Variants in FBXL4 observed in about 807,000 individuals in gnomAD.
The protein encoded by FBXL4 is F-box and leucine rich repeat protein 4.
A neutral mutation model predicts 58.9 loss-of-function variants in FBXL4; 40 were observed. That is an observed-to-expected ratio of 0.68 (90% CI 0.53 to 0.88). The LOEUF (loss-of-function observed/expected upper bound fraction) is 0.88. Ranked by LOEUF, FBXL4 falls within the 40% of genes least tolerant of loss-of-function variation. The pLI is 0.00. For missense variants in FBXL4, 676 were observed against 734.4 expected, an observed-to-expected ratio of 0.92 and a Z score of 0.92; for synonymous variants, 263 against 265.5, an observed-to-expected ratio of 0.99 and a Z score of 0.09.
At chr6:98,878,824 GCTGGTTTGTTGTGACAGAAACTGCC>G (rs1770747245) in intron 8 of FBXL4, among the ~76,000 whole-genome samples, 1 of 152,066 alleles carries the variant, frequency 6.6e-6, no homozygotes. Context: ...GCAGTAACTG[GCTGGTTTGTTGTGACAGAAACTGCC>G]ATCAAATGTC....
chr6:98,874,480 TTAAGTA>T (rs1770584265), intron 9 of FBXL4, 39 bp from the exon 10 acceptor site: 3 of 1,543,620 alleles, frequency 1.9e-6, no homozygotes, highest in Non-Finnish European at 2.6e-6. Context: ...ACAAAACACC[TTAAGTA>T]TAACATTTAT....
chr6:98,883,906 A>C (rs1484923759), intron 7 of FBXL4, among the ~76,000 whole-genome samples: 1 of 151,618 alleles, frequency 6.6e-6, no homozygotes, highest in Non-Finnish European at 1.5e-5. Context: ...GAATCACCTT[A>C]AAGGTTTTAG....
At chr6:98,914,449 A>G (rs901536383) in intron 5 of FBXL4, among the ~76,000 whole-genome samples, 7 of 152,234 alleles carry the variant, frequency 4.6e-5, no homozygotes, top group African/African-American at 9.6e-5. Flanking sequence ...ATCCAGCAGC[A>G]CATCAAAAAG....
At chr6:98,933,688 G>A (rs936555116) in intron 2 of FBXL4, among the ~76,000 whole-genome samples, 1 of 152,088 alleles carries the variant, frequency 6.6e-6, no homozygotes, top group African/African-American at 2.4e-5. Flanking sequence ...CCCCAAGTTC[G>A]GAGAACATGC....
At chr6:98,894,838 A>G (rs1173859688) in intron 7 of FBXL4, among the ~76,000 whole-genome samples, 1 of 152,188 alleles carries the variant, frequency 6.6e-6, no homozygotes, top group Non-Finnish European at 1.5e-5. Context: ...AAACACATCT[A>G]AAGAAAGAAA....
intron 8 of FBXL4, among the ~76,000 whole-genome samples, chr6:98,876,635 G>GA (rs767735069): frequency 6.6e-6 from 1 of 152,102 alleles, no homozygotes; most frequent in Non-Finnish European, 1.5e-5. Context: ...ACTAATTAAG[G>GA]AAAAAATACA....
intron 8 of FBXL4, among the ~76,000 whole-genome samples, chr6:98,879,550 A>G (rs1450823705): frequency 6.6e-6 from 1 of 152,178 alleles, no homozygotes; most frequent in Non-Finnish European, 1.5e-5. Flanking sequence ...AACTCTTTCC[A>G]TGAGCTCTTT....
At chr6:98,925,077 T>C (rs1164461665) in intron 4 of FBXL4, among the ~76,000 whole-genome samples, 1 of 151,980 alleles carries the variant, frequency 6.6e-6, no homozygotes, top group African/African-American at 2.4e-5. Flanking sequence ...CCATGAGTAA[T>C]AGAAAAAATG....
At chr6:98,940,676 A>G (rs1338900927) in intron 1 of FBXL4, among the ~76,000 whole-genome samples, 1 of 152,056 alleles carries the variant, frequency 6.6e-6, no homozygotes, top group East Asian at 1.9e-4. Context: ...TACACACACT[A>G]GATACAATTT....
intron 2 of FBXL4, among the ~76,000 whole-genome samples, chr6:98,933,420 G>A (rs1773088045): frequency 1.3e-5 from 2 of 151,978 alleles, no homozygotes; most frequent in African/African-American, 4.8e-5. Flanking sequence ...CACTACCCTT[G>A]CTGTAGACCC....
intron 7 of FBXL4, chr6:98,898,143 A>G (rs1771470711): frequency 4.5e-6 from 1 of 222,456 alleles, no homozygotes. Context: ...CTCTAAAAAA[A>G]TATGCAAGTT....
chr6:98,889,498 T>C (rs1185783206), intron 7 of FBXL4, among the ~76,000 whole-genome samples: 2 of 151,954 alleles, frequency 1.3e-5, no homozygotes, highest in Non-Finnish European at 2.9e-5. Flanking sequence ...CCTGGGAACA[T>C]GGCAAAACCC....
chr6:98,945,002 CAGATCCTTG>C (rs1282918087), intron 1 of FBXL4, among the ~76,000 whole-genome samples: 1 of 152,166 alleles, frequency 6.6e-6, no homozygotes, highest in East Asian at 1.9e-4. Context: ...GGTATGATCT[CAGATCCTTG>C]ACAATTCTTG....
intron 5 of FBXL4, among the ~76,000 whole-genome samples, chr6:98,909,040 A>C (rs1771928545): frequency 6.6e-6 from 1 of 152,286 alleles, no homozygotes; most frequent in East Asian, 1.9e-4. Context: ...TTGCATTTTA[A>C]TTGGGACTTC....
chr6:98,922,053 G>C (rs9492772), intron 4 of FBXL4, among the ~76,000 whole-genome samples: 1 of 151,930 alleles, frequency 6.6e-6, no homozygotes, highest in Admixed American at 6.6e-5. Flanking sequence ...TCAGCCTCCC[G>C]AATAGCTGGA....
At chr6:98,945,578 T>G (rs1773591097) in intron 1 of FBXL4, among the ~76,000 whole-genome samples, 1 of 152,212 alleles carries the variant, frequency 6.6e-6, no homozygotes, top group Non-Finnish European at 1.5e-5. Context: ...ATACATTTAT[T>G]TCATGGGCTA....
At chr6:98,930,365 G>A (rs534232434) in intron 2 of FBXL4, among the ~76,000 whole-genome samples, 1 of 152,322 alleles carries the variant, frequency 6.6e-6, no homozygotes, top group African/African-American at 2.4e-5. Context: ...AAGTTGCAGT[G>A]AGCCGAGATT....
intron 4 of FBXL4, among the ~76,000 whole-genome samples, chr6:98,925,147 T>C (rs1444972206): frequency 6.6e-6 from 1 of 152,206 alleles, no homozygotes; most frequent in Non-Finnish European, 1.5e-5. Context: ...TTTAAACATA[T>C]GAAAAGATTT....
chr6:98,898,203 C>T (rs953065347), intron 7 of FBXL4: 3 of 761,620 alleles, frequency 3.9e-6, no homozygotes, highest in Non-Finnish European at 4.8e-6. Context: ...ACAAACATTC[C>T]AGACAGGCAA....
Sources: allele counts gnomAD v4.1 joint callset (sites outside exome capture counted in the v4.1 genomes callset), GRCh38; gene constraint gnomAD v4.1.1; transcripts MANE v1.5; gene names NCBI Gene and HGNC (gene_info 2026-07-23, HGNC 2026-07-21).